ZNF263: variants seen among roughly 807,000 people sequenced by gnomAD.
ZNF263 encodes the protein zinc finger protein 263.
ZNF263 carries 49 observed loss-of-function variants against 63.1 expected under a neutral mutation model. That is an observed-to-expected ratio of 0.78 (90% CI 0.62 to 0.99). The LOEUF (loss-of-function observed/expected upper bound fraction) is 0.99, where lower values mean the gene tolerates loss of function less well. Among genes scored for constraint, ZNF263 ranks in the 50% least tolerant of loss-of-function variants. ZNF263 has a pLI of 0.00. For synonymous variants in ZNF263, 352 were observed against 324.2 expected (o/e 1.09, Z -0.92); for missense variants, 872 against 854.8 (o/e 1.02, Z -0.25).
At chr16:3,284,418 C>G (rs1205786272) in intron 1 of ZNF263, among the ~76,000 whole-genome samples, 1 of 152,218 alleles carries the variant, frequency 6.6e-6, no homozygotes, top group African/African-American at 2.4e-5. Flanking sequence ...AGGCGGTGTC[C>G]CTGCAACAGT....
chr16:3,284,350 C>A lies in ZNF263; in HGVS notation c.387+145C>A. On this transcript the variant is annotated intron_variant, in intron 1 of 5. Transcript: ENST00000219069. ...TTGTGATTTAACCTGGAACACTCAT[C>A]CTCCAGATTTTCCCCCAAATGAACG... 4 of 1,321,466 alleles carry A rather than the reference C, an allele frequency of 3.0e-6. No individual in the cohort carries two copies. The South Asian group carries it at 9.6e-5, about 32-fold the overall frequency. The allele number at this position is 1,321,466 out of a possible 1,614,324, so 81.9% of individuals were successfully genotyped here. A position where few individuals can be genotyped will look rare whatever the true frequency, so the allele number is the denominator to read the frequency against.
chr16:3,289,503 G>A lies in ZNF263; in HGVS notation c.997G>A (p.Glu333Lys). The change falls in exon 6 of 6, where the codon GAG (glutamate) becomes AAG (lysine). Residue 333 changes from glutamate to lysine, a missense_variant. Physicochemically the swap from Glu to Lys is moderately conservative, Grantham distance 56. Coordinates refer to ENST00000219069, the MANE Select transcript of ZNF263 (RefSeq NM_005741.5). ...QARGEVPWSPELGRPHDRSQG... is the reference protein window; with the variant it reads ...QARGEVPWSPKLGRPHDRSQG... ...CCGAGGGGAGGTGCCCTGGAGTCCT[G>A]AGCTGGGAAGACCTCATGACCGGTC... 2 of 1,572,482 alleles carry A rather than the reference G, an allele frequency of 1.3e-6. No homozygotes were observed. The highest frequency in any genetic ancestry group is 1.7e-6 in the Non-Finnish European group (2 of 1,159,362).
chr16:3,298,818 G>A (rs1192169518), intron 1 of ZNF263: 1 of 399,342 alleles, frequency 2.5e-6, no homozygotes, highest in Non-Finnish European at 4.4e-6. Context: ...TAAATTTAAA[G>A]AAACACAAAT....
chr16:3,291,218 C>T lies in ZNF263; in HGVS notation c.*660C>T, dbSNP rs1176000982. The T allele has an allele frequency of 2.0e-6, 2 of 985,436 alleles. No homozygotes were observed. Among genetic ancestry groups the T allele is most frequent in the Non-Finnish European group, 2.4e-6 (2 of 830,096 alleles). 61.0% of individuals were successfully genotyped at this position (985,436 alleles called of 1,614,324 possible). A position where few individuals can be genotyped will look rare whatever the true frequency, so the allele number is the denominator to read the frequency against. ...AATAAGGTGGAATTTGCAGGTCAGC[C>T]CAGGAATTGGCAGAGGAAGTAGGTG... is the stretch of plus-strand genomic sequence containing the variant. On this transcript the variant is annotated 3_prime_UTR_variant, in exon 6 of 6. Coordinates refer to ENST00000219069, the MANE Select transcript of ZNF263 (RefSeq NM_005741.5).
Position 3,290,907 on chromosome 16 carries a change from A to C in ZNF263, c.*349A>C. The C allele has an allele frequency of 9.7e-7, 1 of 1,031,064 alleles. No homozygotes were observed. The highest frequency in any genetic ancestry group is 1.2e-6 in the Non-Finnish European group (1 of 857,096). The allele number at this position is 1,031,064 out of a possible 1,614,324, so 63.9% of individuals were successfully genotyped here. A position where few individuals can be genotyped will look rare whatever the true frequency, so the allele number is the denominator to read the frequency against. On this transcript the variant is annotated 3_prime_UTR_variant, in exon 6 of 6. Coordinates refer to ENST00000219069, the MANE Select transcript of ZNF263 (RefSeq NM_005741.5). ...CTTAACAAGTTTGGGAATCCATGTG[A>C]TGTTTTTGATACTTCTTCCTCATTT...
In ZNF263 at chr16:3,291,119, C is replaced by T. The variant is rs1262097125; in HGVS notation, c.*561C>T. On this transcript the variant is annotated 3_prime_UTR_variant, in exon 6 of 6. Transcript: ENST00000219069. ...CACCACGTGCCCTACGATGGCCTAA[C>T]AGGAGTGCCCATTGGCAGATTACAC... The T allele has an allele frequency of 7.1e-6, 7 of 987,458 alleles. No homozygotes were observed. In the East Asian group the frequency reaches 7.9e-4, roughly 112 times the overall value. The allele number at this position is 987,458 out of a possible 1,614,324, so 61.2% of individuals were successfully genotyped here. A position where few individuals can be genotyped will look rare whatever the true frequency, so the allele number is the denominator to read the frequency against.
At chr16:3,288,835 C>T (rs1229946727) in intron 5 of ZNF263, among the ~76,000 whole-genome samples, 8 of 152,146 alleles carry the variant, frequency 5.3e-5, no homozygotes, top group Admixed American at 1.3e-4. Context: ...TTAGTAGAGT[C>T]GGGGTTTCTC....
downstream of ZNF263, among the ~76,000 whole-genome samples, chr16:3,294,590 A>G (rs1177227024): frequency 1.3e-5 from 2 of 152,110 alleles, no homozygotes; most frequent in Non-Finnish European, 1.5e-5. Flanking sequence ...TTTCCTTCCC[A>G]TCATATACTT....
intron 4 of ZNF263, among the ~76,000 whole-genome samples, chr16:3,287,435 G>A (rs907817180): frequency 1.5e-4 from 17 of 114,136 alleles, no homozygotes; most frequent in Non-Finnish European, 5.1e-5. Context: ...TTTTTGAAGT[G>A]AGTCTCACTC....
At position 3,286,146 on chromosome 16, in the gene ZNF263, C is replaced by A; in HGVS notation, c.766C>A (p.Leu256Met). 1 of 1,589,058 alleles carries A rather than the reference C, an allele frequency of 6.3e-7. No homozygotes were observed. The highest frequency in any genetic ancestry group is 1.2e-5 in the South Asian group (1 of 86,462). Residue 256 changes from leucine to methionine, a missense_variant, in exon 4 of 6, where the codon CTG becomes ATG. By Grantham distance (15) the Leu-to-Met change is conservative. Transcript: ENST00000219069. ...VQESYENVDS[L>M]ESHIPSQEVP... is the part of the protein sequence containing the mutation. The stretch of plus-strand genomic sequence containing the variant: ...GGAGAGTTATGAGAATGTGGACTCA[C>A]TGGGTAAGGACTTCTTTTCCAGGGA...
chr16:3,285,730 A>C lies in ZNF263; in HGVS notation c.618A>C (p.Glu206Asp), dbSNP rs1959324340. The change falls in exon 3 of 6, where the codon GAA becomes GAC. Residue 206 changes from glutamate to aspartate, a missense_variant. Transcript: ENST00000219069. ...LSLFPPEGNM[E>D]DKEMTGPQLP... ...TTTTTCCTCCTGAAGGGAACATGGAAGACAAGGAGATGACTGGGCCCCAGG... is the reference window on the plus strand; with the variant it reads ...TTTTTCCTCCTGAAGGGAACATGGACGACAAGGAGATGACTGGGCCCCAGG... 1 of 1,614,156 alleles carries C rather than the reference A, an allele frequency of 6.2e-7. No individual in the cohort carries two copies. Among genetic ancestry groups the C allele is most frequent in the Admixed American group, 1.7e-5 (1 of 60,010 alleles).
In ZNF263 at chr16:3,289,906, G is replaced by A. The variant is rs1271815088; in HGVS notation, c.1400G>A (p.Cys467Tyr). The change falls in exon 6 of 6, where the codon TGC becomes TAC. Residue 467 changes from cysteine (C) to tyrosine (Y), a missense_variant. Cys to Tyr is a radical substitution (Grantham distance 194). Coordinates refer to ENST00000219069, the MANE Select transcript of ZNF263 (RefSeq NM_005741.5). ...GAGAAGCCCTATCAGTGCAACATTTGCGGAAAATGTTTCTCCTGCAACTCC... is the reference window on the plus strand; with the variant it reads ...GAGAAGCCCTATCAGTGCAACATTTACGGAAAATGTTTCTCCTGCAACTCC... ...TGEKPYQCNICGKCFSCNSNL... is the reference protein window; with the variant it reads ...TGEKPYQCNIYGKCFSCNSNL... 11 of 1,614,050 alleles carry A rather than the reference G, an allele frequency of 6.8e-6. No homozygotes were observed. Among genetic ancestry groups the A allele is most frequent in the Non-Finnish European group, 9.3e-6 (11 of 1,180,050 alleles).
chr16:3,293,989 G>A (rs7193309), downstream of ZNF263, among the ~76,000 whole-genome samples: 6,097 of 152,266 alleles, frequency 0.04, 395 homozygotes, highest in African/African-American at 0.14. Context: ...GCAGTGGCAC[G>A]ATCTCGGCTC....
At position 3,290,362 on chromosome 16, in the gene ZNF263, T is replaced by C. The variant is rs762765779; in HGVS notation, c.1856T>C (p.Ile619Thr). 1 of 1,613,584 alleles carries C rather than the reference T, an allele frequency of 6.2e-7. No homozygotes were observed. The highest frequency in any genetic ancestry group is 8.5e-7 in the Non-Finnish European group (1 of 1,179,874). ...AACTTCTCTCATAGATCCAATTTAA[T>C]CAGGCACCAGAGAATCCACACAGGA... Reference protein sequence around the residue: ...GENFSHRSNLIRHQRIHTGEK... With the variant: ...GENFSHRSNLTRHQRIHTGEK... The change falls in exon 6 of 6, where the codon ATC (isoleucine) becomes ACC (threonine). Residue 619 changes from isoleucine to threonine, a missense_variant. Coordinates refer to ENST00000219069, the MANE Select transcript of ZNF263 (RefSeq NM_005741.5).
downstream of ZNF263, among the ~76,000 whole-genome samples, chr16:3,294,593 A>G (rs1409499924): frequency 2.6e-5 from 4 of 152,162 alleles, no homozygotes; most frequent in African/African-American, 7.2e-5. Context: ...CCTTCCCATC[A>G]TATACTTTTT....
chr16:3,288,473 G>C lies in ZNF263; in HGVS notation c.789G>C (p.Gln263His), dbSNP rs780139274. 6.2e-6 allele frequency: 10 copies of C among 1,612,158 alleles called. No individual in the cohort carries two copies. Among genetic ancestry groups the C allele is most frequent in the Non-Finnish European group, 8.5e-6 (10 of 1,178,832 alleles). ...VDSLESHIPS[Q>H]EVPGTQVGQG... is the part of the protein sequence containing the mutation. The stretch of plus-strand genomic sequence containing the variant: ...GAACAGAGTCTCACATTCCCAGTCA[G>C]GAGGTCCCAGGCACCCAGGTGGGAC... Residue 263 changes from glutamine (Q) to histidine (H), a missense_variant, in exon 5 of 6, where the codon CAG becomes CAC. By Grantham distance (24) the Gln-to-His change is conservative (BLOSUM62 0). Transcript: ENST00000219069.
At chr16:3,296,240 G>C (rs1221468751), downstream of ZNF263, among the ~76,000 whole-genome samples, 1 of 152,172 alleles carries the variant, frequency 6.6e-6, no homozygotes, top group Non-Finnish European at 1.5e-5. Context: ...TTAACAGGAA[G>C]TTTCCAGAAT....
chr16:3,293,795 A>C (rs139158802), downstream of ZNF263, among the ~76,000 whole-genome samples: 146 of 152,392 alleles, frequency 9.6e-4, no homozygotes, highest in African/African-American at 3.4e-3. Flanking sequence ...GACTGGAAGA[A>C]TGTTTTAAAA....
downstream of ZNF263, among the ~76,000 whole-genome samples, chr16:3,292,107 G>C (rs1482532089): frequency 6.6e-6 from 1 of 152,092 alleles, no homozygotes; most frequent in Non-Finnish European, 1.5e-5. Context: ...GTGTATCTGT[G>C]GGAAACGGGG....
Sources: gnomAD v4.1 joint callset for allele counts (sites outside exome capture counted in the v4.1 genomes callset) on GRCh38, gnomAD v4.1.1 for gene constraint, MANE v1.5 for transcripts, NCBI Gene and HGNC (gene_info 2026-07-23, HGNC 2026-07-21) for gene names.